The following CR1 variants were observed in gnomAD, a reference collection of about 807,000 sequenced individuals.
CR1 encodes the protein complement receptor type 1.
A neutral mutation model predicts 187.3 loss-of-function variants in CR1; 116 were observed. The observed-to-expected ratio is 0.62, with a 90% CI of 0.53 to 0.72. The LOEUF (loss-of-function observed/expected upper bound fraction) is 0.72. CR1 is among the 30% of genes least tolerant of loss of function. The pLI is 0.00. For synonymous variants in CR1, 576 were observed against 747.1 expected (o/e 0.77, Z 3.73); for missense variants, 1,731 against 2,110.7 (o/e 0.82, Z 3.52).
chr1:207,526,624 T>C, intron 5 of CR1, 129 bp from the exon 6 acceptor site: 1 of 1,447,712 alleles, frequency 6.9e-7, no homozygotes, highest in Non-Finnish European at 9.1e-7. Flanking sequence ...AGTTTATCAA[T>C]GTAATAAGGC....
At chr1:207,512,497 G>A (rs1172263542) in intron 4 of CR1, among the ~76,000 whole-genome samples, 1 of 152,190 alleles carries the variant, frequency 6.6e-6, no homozygotes, top group Non-Finnish European at 1.5e-5. Flanking sequence ...TGTAGTGAGG[G>A]CCAGGCTGAG....
rs748825725 is a variant in CR1, at chr1:207,620,042, C to G, written c.7229C>G (p.Pro2410Arg). ...TGCCAGGCGGATGACAGATGGGACC[C>G]TCCTCTGGCCAAATGTACCTCTCGT... The part of the protein sequence containing the change: ...SQCQADDRWD[P>R]PLAKCTSRTH... The change falls in exon 43 of 47, where the codon CCT becomes CGT. Residue 2410 changes from proline (P) to arginine (R), a missense_variant. By Grantham distance (103) the Pro-to-Arg change is moderately radical (BLOSUM62 -2). This residue lies in a region of CR1 where 1,312 missense variants were observed against 1,379.6 expected (regional missense o/e 0.95). Coordinates refer to ENST00000367049, the MANE Select transcript of CR1 (RefSeq NM_000651.6). 6.2e-7 allele frequency: 1 copy of G among 1,611,728 alleles called. No individual in the cohort carries two copies. The highest frequency in any genetic ancestry group is 8.5e-7 in the Non-Finnish European group (1 of 1,179,388).
Position 207,630,597 on chromosome 1 carries a change from T to C in CR1, c.7433T>C (p.Leu2478Pro). 6.2e-7 allele frequency: 1 copy of C among 1,606,012 alleles called. No individual in the cohort carries two copies. The highest frequency in any genetic ancestry group is 8.5e-7 in the Non-Finnish European group (1 of 1,176,718). ...QGGSSVHPRT[L>P]QTNEENSRVL... is the part of the protein sequence containing the mutation. ...GGCAGCAGCGTTCATCCCCGAACTC[T>C]GCAAACAAATGAAGAAAATAGCAGG... The change falls in exon 46 of 47, where the codon CTG becomes CCG. Residue 2478 changes from leucine to proline, a missense_variant. Transcript: ENST00000367049.
At chr1:207,506,354 T>C (rs1247075678) in intron 2 of CR1, among the ~76,000 whole-genome samples, 4 of 152,246 alleles carry the variant, frequency 2.6e-5, no homozygotes, top group African/African-American at 9.6e-5. Flanking sequence ...ATGACTAAAA[T>C]TAAGTAATGA....
Position 207,523,876 on chromosome 1 carries a change from C to T in CR1, c.753C>T (p.Asp251=). The change falls in exon 5 of 47, where the codon GAC becomes GAT. Residue 251 remains aspartate (D), a synonymous_variant. Coordinates refer to ENST00000367049, the MANE Select transcript of CR1 (RefSeq NM_000651.6). ...TGGAAAATGGAATATTGGTATCTGA[C>T]AACAGAAGCTTATTTTCCTTAAATG... ...PNVENGILVS[D]NRSLFSLNEV... 1 of 1,610,214 alleles carries T rather than the reference C, an allele frequency of 6.2e-7. No homozygotes were observed. The highest frequency in any genetic ancestry group is 1.1e-5 in the South Asian group (1 of 90,986).
At chr1:207,615,564 C>T (rs1175151997) in intron 40 of CR1, among the ~76,000 whole-genome samples, 2 of 152,138 alleles carry the variant, frequency 1.3e-5, no homozygotes, top group Non-Finnish European at 2.9e-5. Flanking sequence ...CATACCAAGA[C>T]ATTACTGATT....
At chr1:207,589,536 A>C (rs1331631070) in intron 35 of CR1, among the ~76,000 whole-genome samples, 1 of 152,204 alleles carries the variant, frequency 6.6e-6, no homozygotes, top group African/African-American at 2.4e-5. Flanking sequence ...AAATTCCCGA[A>C]ACCAGAATGC....
chr1:207,639,306 G>A, intron 46 of CR1, 91 bp from the exon 47 acceptor site: 1 of 1,240,458 alleles, frequency 8.1e-7, no homozygotes, highest in South Asian at 1.3e-5. Context: ...ATAAAGTTTA[G>A]AAAATATCCA....
At chr1:207,605,370 C>A (rs955966681) in intron 35 of CR1, among the ~76,000 whole-genome samples, 2 of 142,310 alleles carry the variant, frequency 1.4e-5, no homozygotes, top group Non-Finnish European at 3.0e-5. Flanking sequence ...CACACACACA[C>A]AAAACAAATA....
intron 36 of CR1, 47 bp downstream of exon 36, chr1:207,607,383 C>G: frequency 7.1e-7 from 1 of 1,412,350 alleles, no homozygotes; most frequent in Non-Finnish European, 1.0e-6. Context: ...GTGATCCTGA[C>G]TTGCCCCTGG....
intron 1 of CR1, among the ~76,000 whole-genome samples, chr1:207,503,305 T>C (rs761807399): frequency 1.3e-5 from 2 of 152,236 alleles, no homozygotes; most frequent in Non-Finnish European, 1.5e-5. Context: ...GAACCCAACA[T>C]TTTTAATACT....
intron 35 of CR1, among the ~76,000 whole-genome samples, chr1:207,590,799 A>G (rs1288962246): frequency 1.3e-5 from 2 of 152,330 alleles, no homozygotes; most frequent in East Asian, 3.9e-4. Flanking sequence ...AAATAAAAGC[A>G]GGGGTTACAG....
intron 46 of CR1, among the ~76,000 whole-genome samples, chr1:207,635,411 C>A (rs1233711163): frequency 6.6e-6 from 1 of 152,184 alleles, no homozygotes; most frequent in Non-Finnish European, 1.5e-5. Flanking sequence ...AAAGAATTAA[C>A]TGCTGTGCTT....
At chr1:207,499,469 G>A (rs1380271008) in intron 1 of CR1, among the ~76,000 whole-genome samples, 2 of 152,154 alleles carry the variant, frequency 1.3e-5, no homozygotes, top group African/African-American at 4.8e-5. Context: ...TATCAGAAAT[G>A]GGCAGATTCA....
chr1:207,631,075 C>T (rs1338126523), intron 46 of CR1, among the ~76,000 whole-genome samples: 1 of 152,024 alleles, frequency 6.6e-6, no homozygotes, highest in African/African-American at 2.4e-5. Flanking sequence ...CTTCATTTGG[C>T]CTCTTTGACT....
At chr1:207,635,938 A>G (rs1662799381) in intron 46 of CR1, among the ~76,000 whole-genome samples, 1 of 152,194 alleles carries the variant, frequency 6.6e-6, no homozygotes, top group Non-Finnish European at 1.5e-5. Flanking sequence ...CAGGAAGCAC[A>G]GGGTTGGGGG....
At chr1:207,583,332 G>A (rs1449750068) in intron 32 of CR1, among the ~76,000 whole-genome samples, 1 of 152,216 alleles carries the variant, frequency 6.6e-6, no homozygotes, top group African/African-American at 2.4e-5. Flanking sequence ...ACAAGTGGAA[G>A]TTTCAGTGGA....
intron 46 of CR1, among the ~76,000 whole-genome samples, chr1:207,632,568 C>T (rs1391727576): frequency 1.3e-5 from 2 of 152,116 alleles, no homozygotes; most frequent in East Asian, 3.9e-4. Context: ...GCGAGTGGAT[C>T]ATGAGTCAGG....
intron 42 of CR1, among the ~76,000 whole-genome samples, chr1:207,619,199 A>G (rs1429708397): frequency 1.3e-5 from 2 of 151,722 alleles, no homozygotes; most frequent in East Asian, 1.9e-4. Context: ...CCTGGCCAAC[A>G]TGGTGAAACC....
Sources: allele counts gnomAD v4.1 joint callset (sites outside exome capture counted in the v4.1 genomes callset), GRCh38; gene constraint gnomAD v4.1.1; regional missense constraint gnomAD v4.1.1; transcripts MANE v1.5; gene names NCBI Gene and HGNC (gene_info 2026-07-23, HGNC 2026-07-21).